The following NPC1 variants were observed in gnomAD, a reference collection of about 807,000 sequenced individuals.
NPC1 encodes the protein Niemann-Pick C1 protein.
Under a neutral mutation model 140.4 loss-of-function variants are expected in NPC1, and 85 were observed. The ratio of observed to expected loss-of-function variants is 0.61; its 90% CI spans 0.51 to 0.72. NPC1 has a LOEUF of 0.72. NPC1 is among the 30% of genes least tolerant of loss of function. The pLI is 0.00. For synonymous variants in NPC1, 656 were observed against 624.8 expected (o/e 1.05, Z -0.74); for missense variants, 1,504 against 1,623.8 (o/e 0.93, Z 1.27).
At chr18:23,527,674 C>G (rs1016281076), downstream of NPC1, 144 of 419,712 alleles carry the variant, frequency 3.4e-4, 1 homozygote, top group Admixed American at 7.1e-4. Context: ...GTAGAGTGTC[C>G]TTTAAAGGTA....
At chr18:23,529,997 G>C, downstream of NPC1, 7 of 1,563,352 alleles carry the variant, frequency 4.5e-6, no homozygotes, top group Non-Finnish European at 5.3e-6. Flanking sequence ...TGATTTGGAA[G>C]TGTTCTTTCA....
At position 23,569,012 on chromosome 18, in the gene NPC1, A is replaced by T; in HGVS notation, c.288-14T>A. 6.3e-7 allele frequency: 1 copy of T among 1,597,378 alleles called. No individual in the cohort carries two copies. Among genetic ancestry groups the T allele is most frequent in the African/African-American group, 1.3e-5 (1 of 74,696 alleles). The stretch of plus-strand genomic sequence containing the variant: ...CAGGATGGACATCTAAAGGAAAAGT[A>T]AATTATATTCTGCATGATCTCACAC... On this transcript the variant is annotated splice_polypyrimidine_tract_variant and intron_variant, in intron 3 of 24. Coordinates refer to ENST00000269228, the MANE Select transcript of NPC1 (RefSeq NM_000271.5).
At position 23,540,743 on chromosome 18, in the gene NPC1, C is replaced by T. The variant is rs527481600; in HGVS notation, c.2515-206G>A. 1.1e-4 allele frequency among the ~76,000 whole-genome samples: 16 copies of T among 152,330 alleles called. No individual in the cohort carries two copies. In the South Asian group the frequency reaches 2.7e-3, roughly 26 times the overall value. On this transcript the variant is annotated intron_variant, in intron 16 of 24. Coordinates refer to ENST00000269228, the MANE Select transcript of NPC1 (RefSeq NM_000271.5). ...GTGCAAATCCTGACTCTGCCACTTA[C>T]GGGCTGAGTGACTTGGGGCAAACCA...
chr18:23,536,003 C>A (rs944222595), intron 21 of NPC1, among the ~76,000 whole-genome samples: 5 of 151,274 alleles, frequency 3.3e-5, no homozygotes, highest in African/African-American at 9.8e-5. Flanking sequence ...TCTGAAAAAA[C>A]ACAAAAAAAC....
chr18:23,549,191 C>A (rs2058831826), intron 10 of NPC1, among the ~76,000 whole-genome samples: 1 of 152,126 alleles, frequency 6.6e-6, no homozygotes. Context: ...AACTATTTTT[C>A]ATTCCTTTTT....
At chr18:23,510,363 A>G (rs1288813632) in intron 3 of NPC1, among the ~76,000 whole-genome samples, 1 of 151,888 alleles carries the variant, frequency 6.6e-6, no homozygotes, top group East Asian at 1.9e-4. Flanking sequence ...AAAAGTGGGC[A>G]AAGGCCAGGT....
chr18:23,515,056 G>A (rs752847810), intron 3 of NPC1, among the ~76,000 whole-genome samples: 2 of 152,108 alleles, frequency 1.3e-5, no homozygotes, highest in African/African-American at 4.8e-5. Context: ...GACTGGAGTC[G>A]AGGTGGAGGC....
intron 24 of NPC1, 36 bp from the exon 25 acceptor site, chr18:23,532,320 G>T (rs370854351): frequency 8.1e-6 from 13 of 1,612,840 alleles, no homozygotes; most frequent in Admixed American, 1.7e-5. Context: ...ATTTCTGCAG[G>T]AGAAAGGGAG....
intron 4 of NPC1, among the ~76,000 whole-genome samples, chr18:23,562,206 A>G (rs1379790369): frequency 2.0e-5 from 3 of 151,744 alleles, no homozygotes; most frequent in Admixed American, 1.3e-4. Flanking sequence ...GGAGAATGGC[A>G]TGAACCCGGG....
At chr18:23,574,774 A>T (rs761526141) in intron 1 of NPC1, among the ~76,000 whole-genome samples, 26 of 152,186 alleles carry the variant, frequency 1.7e-4, no homozygotes, top group Non-Finnish European at 2.9e-4. Context: ...TTATACAAAT[A>T]AGGAAGTGAC....
Position 23,538,638 on chromosome 18 carries a change from A to G in NPC1, c.2945T>C (p.Leu982Pro). The part of the protein sequence containing the change: ...VDPACVRCRP[L>P]TPEGKQRPQG... ...AGGCCTCTGTTTGCCTTCCGGAGTCAGAGGCCTGCAGCGAACGCAGGCAGG... is the reference window on the plus strand; with the variant it reads ...AGGCCTCTGTTTGCCTTCCGGAGTCGGAGGCCTGCAGCGAACGCAGGCAGG... The change falls in exon 20 of 25, where the codon CTG becomes CCG. Residue 982 changes from leucine (L) to proline (P), a missense_variant. Leu to Pro is a moderately conservative substitution (Grantham distance 98). Transcript: ENST00000269228. 6.2e-7 allele frequency: 1 copy of G among 1,614,174 alleles called. No homozygotes were observed. The highest frequency in any genetic ancestry group is 8.5e-7 in the Non-Finnish European group (1 of 1,180,024).
At chr18:23,507,069 T>C in intron 3 of NPC1, 1 of 1,532,572 alleles carries the variant, frequency 6.5e-7, no homozygotes, top group Non-Finnish European at 8.9e-7. Flanking sequence ...GACTTATCTT[T>C]AAAATACAGC....
chr18:23,583,683 G>C (rs905172760), intron 1 of NPC1, among the ~76,000 whole-genome samples: 3 of 152,032 alleles, frequency 2.0e-5, no homozygotes, highest in African/African-American at 7.2e-5. Context: ...CCAGGAAAGA[G>C]AGAGCACACT....
chr18:23,516,297 T>C (rs1445828207), intron 3 of NPC1: 1 of 1,611,374 alleles, frequency 6.2e-7, no homozygotes, highest in Non-Finnish European at 8.5e-7. Context: ...AAGCTTTTCC[T>C]AAAACATTTT....
At chr18:23,520,117 T>C, downstream of NPC1, 1 of 1,040,742 alleles carries the variant, frequency 9.6e-7, no homozygotes, top group Non-Finnish European at 1.5e-6. Flanking sequence ...TTTAAACTGA[T>C]TTAAACAGCA....
intron 22 of NPC1, among the ~76,000 whole-genome samples, chr18:23,534,877 A>G (rs2058603477): frequency 6.6e-6 from 1 of 152,188 alleles, no homozygotes; most frequent in Admixed American, 6.5e-5. Flanking sequence ...CTTGGACCTC[A>G]GTGCTCCCCT....
In NPC1 at chr18:23,556,489, G is replaced by A. The variant is rs753744842; in HGVS notation, c.1080C>T (p.Phe360=). Residue 360 remains phenylalanine (F), a synonymous_variant, in exon 8 of 25, where the codon TTC becomes TTT. Transcript: ENST00000269228. The part of the protein sequence containing the change: ...PGCVIFFSLV[F]ITACSSGLVF... ...CCAGGCCTGACGAACACGCAGTAAT[G>A]AAGACCAGCGAGAAGAAAATGACAC... The A allele has an allele frequency of 6.2e-7, 1 of 1,614,154 alleles. No homozygotes were observed. Among genetic ancestry groups the A allele is most frequent in the South Asian group, 1.1e-5 (1 of 91,082 alleles).
rs1267533191 is a variant in NPC1 at position 23,539,486 on chromosome 18, A to G, written c.2796-16T>C. ...TATTCGGGTACTAGAGAGGACAGAC[A>G]GGGTTACTGACCTGCTCCACAGGGA... On this transcript the variant is annotated splice_polypyrimidine_tract_variant and intron_variant, in intron 18 of 24. Coordinates refer to ENST00000269228, the MANE Select transcript of NPC1 (RefSeq NM_000271.5). The G allele has an allele frequency of 1.3e-6, 2 of 1,561,754 alleles. No individual in the cohort carries two copies. Among genetic ancestry groups the G allele is most frequent in the Admixed American group, 1.7e-5 (1 of 59,672 alleles).
At chr18:23,563,987 G>GT (rs71163619) in intron 4 of NPC1, among the ~76,000 whole-genome samples, 1,332 of 102,532 alleles carry the variant, frequency 0.013, 69 homozygotes, top group Non-Finnish European at 0.017. Flanking sequence ...AGTAGTAAGA[G>GT]TTTTTTTTTT....
Sources: allele counts gnomAD v4.1 joint callset (sites outside exome capture counted in the v4.1 genomes callset), GRCh38; gene constraint gnomAD v4.1.1; transcripts MANE v1.5; gene names NCBI Gene and HGNC (gene_info 2026-07-23, HGNC 2026-07-21).